The following EEIG1 variants were observed in gnomAD, a reference collection of about 807,000 sequenced individuals.
The protein encoded by EEIG1 is estrogen-induced osteoclastogenesis regulator 1, also known as early estrogen-induced gene 1 protein.
chr9:127,955,852 T>G, the EEIG1 span, among the ~76,000 whole-genome samples: 2 of 152,120 alleles, frequency 1.3e-5, no homozygotes, highest in African/African-American at 4.8e-5. Flanking sequence ...GTGACAAGGG[T>G]CAAGAGGGCA....
chr9:127,953,892 T>C, the EEIG1 span: 1 of 1,613,898 alleles, frequency 6.2e-7, no homozygotes, highest in African/African-American at 1.3e-5. Context: ...TGAACCTCTT[T>C]CGCCACCGCA....
At chr9:127,977,061 A>G in the EEIG1 span, among the ~76,000 whole-genome samples, 4 of 152,096 alleles carry the variant, frequency 2.6e-5, no homozygotes. Context: ...TACTGGGCAA[A>G]AACACAGCAA....
the EEIG1 span, among the ~76,000 whole-genome samples, chr9:127,968,769 T>C: frequency 6.6e-6 from 1 of 152,202 alleles, no homozygotes; most frequent in African/African-American, 2.4e-5. Context: ...CTCCCAGCCC[T>C]GCACAGACTC....
At chr9:127,943,606 T>C in the EEIG1 span, 1 of 254,176 alleles carries the variant, frequency 3.9e-6, no homozygotes, top group Non-Finnish European at 7.8e-6. Context: ...GTCAGCTCCT[T>C]TCCCTGCCGA....
At chr9:127,945,362 C>T in the EEIG1 span, 2 of 1,579,118 alleles carry the variant, frequency 1.3e-6, no homozygotes, top group Non-Finnish European at 8.6e-7. This position sits in a 1 kb window ranked among gnomAD's most constrained non-coding sequence, Gnocchi z 6.5. Flanking sequence ...AGCAGTAGGC[C>T]TCACCTGAAA....
the EEIG1 span, chr9:127,945,659 G>C: frequency 1.9e-6 from 3 of 1,591,350 alleles, no homozygotes; most frequent in Non-Finnish European, 2.6e-6. This position sits in a 1 kb window ranked among gnomAD's most constrained non-coding sequence, Gnocchi z 6.5. Flanking sequence ...CGGAGATCTT[G>C]GACTGCTGGC....
the EEIG1 span, among the ~76,000 whole-genome samples, chr9:127,951,651 T>C: frequency 7.2e-3 from 1,083 of 151,252 alleles, 13 homozygotes; most frequent in African/African-American, 0.025. Context: ...CCGTCTCTAC[T>C]AAAAATACAA....
the EEIG1 span, among the ~76,000 whole-genome samples, chr9:127,955,618 C>G: frequency 6.6e-6 from 1 of 152,198 alleles, no homozygotes; most frequent in Non-Finnish European, 1.5e-5. Flanking sequence ...GGCGGGGGAA[C>G]AGATGAATCA....
chr9:127,948,389 G>GA, the EEIG1 span: 1 of 1,614,142 alleles, frequency 6.2e-7, no homozygotes, highest in Non-Finnish European at 8.5e-7. Flanking sequence ...GGGATCTCCA[G>GA]AGAGCAGGAA....
At chr9:127,963,836 G>C in the EEIG1 span, 1 of 152,340 alleles carries the variant, frequency 6.6e-6, no homozygotes, top group Non-Finnish European at 1.5e-5. Flanking sequence ...CCCTGGTTGA[G>C]AGGGGGAGAC....
At chr9:127,968,744 C>T in the EEIG1 span, among the ~76,000 whole-genome samples, 1 of 152,154 alleles carries the variant, frequency 6.6e-6, no homozygotes, top group Non-Finnish European at 1.5e-5. Context: ...AATCGCTCCG[C>T]CAAAGTCACT....
At chr9:127,941,408 A>G in the EEIG1 span, 4 of 152,606 alleles carry the variant, frequency 2.6e-5, no homozygotes, top group African/African-American at 9.7e-5. Context: ...CTGGGGGCCA[A>G]TTCGTCTGGA....
the EEIG1 span, among the ~76,000 whole-genome samples, chr9:127,955,486 G>T: frequency 6.6e-6 from 1 of 152,242 alleles, no homozygotes; most frequent in African/African-American, 2.4e-5. Context: ...GTGGTGTTGT[G>T]GGGCCTGTAG....
the EEIG1 span, among the ~76,000 whole-genome samples, chr9:127,949,360 T>C: frequency 6.6e-6 from 1 of 151,406 alleles, no homozygotes; most frequent in East Asian, 1.9e-4. Flanking sequence ...GTTGAGGCTT[T>C]CTATGGCTTA....
At chr9:127,956,196 C>G in the EEIG1 span, among the ~76,000 whole-genome samples, 1 of 152,212 alleles carries the variant, frequency 6.6e-6, no homozygotes, top group African/African-American at 2.4e-5. Context: ...CATTCATCAT[C>G]AAACAACTGA....
At chr9:127,969,821 A>G in the EEIG1 span, among the ~76,000 whole-genome samples, 2 of 152,156 alleles carry the variant, frequency 1.3e-5, no homozygotes, top group Admixed American at 1.3e-4. Flanking sequence ...GAAAACACCC[A>G]GGGATCTCCT....
the EEIG1 span, chr9:127,945,868 G>T: frequency 1.4e-6 from 1 of 714,058 alleles, no homozygotes; most frequent in Non-Finnish European, 2.4e-6. The surrounding 1 kb of genome is among the most constrained non-coding windows in gnomAD (Gnocchi z 6.5). Flanking sequence ...CCATTTAACA[G>T]ACTGAAAAAC....
the EEIG1 span, among the ~76,000 whole-genome samples, chr9:127,965,041 G>A: frequency 5.7e-5 from 8 of 141,158 alleles, no homozygotes; most frequent in East Asian, 6.2e-4. Context: ...CCCGGGAGGC[G>A]GAGGTTGCAG....
At chr9:127,961,006 C>T in the EEIG1 span, among the ~76,000 whole-genome samples, 1 of 152,148 alleles carries the variant, frequency 6.6e-6, no homozygotes, top group Non-Finnish European at 1.5e-5. Context: ...CAGCAGCGGC[C>T]ACCTCCTGAG....
Sources: allele counts gnomAD v4.1 joint callset (sites outside exome capture counted in the v4.1 genomes callset), GRCh38; gene constraint gnomAD v4.1.1; non-coding constraint Gnocchi (gnomAD v3.1); transcripts MANE v1.5; gene names NCBI Gene and HGNC (gene_info 2026-07-23, HGNC 2026-07-21).